The following TNFAIP8 variants were observed in gnomAD, a reference collection of about 807,000 sequenced individuals.
TNFAIP8 encodes TNF alpha induced protein 8, also known as tumor necrosis factor alpha-induced protein 8.
Under a neutral mutation model 13.3 loss-of-function variants are expected in TNFAIP8, and 7 were observed. That is an observed-to-expected ratio of 0.52 (90% CI 0.30 to 0.99). The LOEUF (loss-of-function observed/expected upper bound fraction) is 0.99, where lower values mean the gene tolerates loss of function less well. Ranked by LOEUF, TNFAIP8 falls within the 50% of genes least tolerant of loss-of-function variation. TNFAIP8 has a pLI of 0.07. For synonymous variants in TNFAIP8, 94 were observed against 87.6 expected, an observed-to-expected ratio of 1.07 and a Z score of -0.41; for missense variants, 258 against 236.9, an observed-to-expected ratio of 1.09 and a Z score of -0.58.
At chr5:119,288,537 A>G (rs530819667) in intron 1 of TNFAIP8, among the ~76,000 whole-genome samples, 15 of 152,384 alleles carry the variant, frequency 9.8e-5, no homozygotes, top group Admixed American at 7.8e-4. Flanking sequence ...TTAAGAGATT[A>G]GACAGAGTTT....
chr5:119,279,262 T>C (rs1748558374), intron 1 of TNFAIP8, among the ~76,000 whole-genome samples: 1 of 152,236 alleles, frequency 6.6e-6, no homozygotes, highest in East Asian at 1.9e-4. Context: ...CCTCCCATAC[T>C]TGTGCTACAG....
chr5:119,308,141 T>C (rs1055615945), intron 1 of TNFAIP8, among the ~76,000 whole-genome samples: 58 of 152,212 alleles, frequency 3.8e-4, no homozygotes, highest in African/African-American at 1.4e-3. Context: ...ATAATTGATA[T>C]TAAAATAATA....
At chr5:119,349,310 G>A (rs1437666856) in intron 1 of TNFAIP8, among the ~76,000 whole-genome samples, 1 of 152,212 alleles carries the variant, frequency 6.6e-6, no homozygotes, top group Non-Finnish European at 1.5e-5. Context: ...GTGAAGAGGG[G>A]AACCTCATGA....
chr5:119,391,790 G>T (rs114310840), intron 1 of TNFAIP8, among the ~76,000 whole-genome samples: 1 of 151,090 alleles, frequency 6.6e-6, no homozygotes, highest in African/African-American at 2.4e-5. Flanking sequence ...ATTGCTACAT[G>T]CATGGAGTGG....
chr5:119,299,828 C>G (rs1483545815), intron 1 of TNFAIP8, among the ~76,000 whole-genome samples: 1 of 152,232 alleles, frequency 6.6e-6, no homozygotes, highest in Admixed American at 6.5e-5. Context: ...CGCCCTTCCC[C>G]CAGCCTCGCT....
At chr5:119,379,941 G>T (rs2112836439) in intron 1 of TNFAIP8, among the ~76,000 whole-genome samples, 1 of 152,300 alleles carries the variant, frequency 6.6e-6, no homozygotes, top group Middle Eastern at 3.4e-3. Context: ...GGGGGAGCAG[G>T]CAGGCTCTAA....
chr5:119,350,996 C>CTGTGTGTG (rs1562012624), intron 1 of TNFAIP8, among the ~76,000 whole-genome samples: 8 of 101,608 alleles, frequency 7.9e-5, no homozygotes, highest in African/African-American at 4.0e-4. Context: ...AGGGGTCTCA[C>CTGTGTGTG]TCTGTGTGTG....
chr5:119,355,266 C>T (rs1334869046), upstream of TNFAIP8: 7 of 700,240 alleles, frequency 1.0e-5, no homozygotes, highest in Non-Finnish European at 1.8e-5. Flanking sequence ...GAACCGTGCT[C>T]TCCCCCTGAG....
chr5:119,369,457 C>A (rs1034898117), intron 1 of TNFAIP8, among the ~76,000 whole-genome samples: 2 of 152,142 alleles, frequency 1.3e-5, no homozygotes, highest in African/African-American at 4.8e-5. Flanking sequence ...TAAGCGTCTT[C>A]TAGTTTTTAT....
intron 1 of TNFAIP8, among the ~76,000 whole-genome samples, chr5:119,312,361 A>C (rs1456966789): frequency 6.6e-6 from 1 of 152,232 alleles, no homozygotes; most frequent in African/African-American, 2.4e-5. Context: ...ACGAGGATGA[A>C]AATAAGATTA....
intron 1 of TNFAIP8, among the ~76,000 whole-genome samples, chr5:119,373,942 G>A (rs1304003071): frequency 6.6e-6 from 1 of 152,094 alleles, no homozygotes; most frequent in East Asian, 1.9e-4. Flanking sequence ...ACAATATCTG[G>A]CTAGAAACTA....
Position 119,283,848 on chromosome 5 carries a change from A to C in TNFAIP8, c.1+14941A>C, listed in dbSNP as rs143967163. On this transcript the variant is annotated intron_variant, in intron 1 of 1. Transcript: ENST00000274456. ...TTGCTCCTAAGAATCTTCGAGACAA[A>C]TAAGGACTTGGGTTAAAAAAACAAA... 1.3e-3 allele frequency among the ~76,000 whole-genome samples: 191 copies of C among 152,350 alleles called. No homozygotes were observed. In the South Asian group the frequency reaches 0.014, roughly 11 times the overall value.
At chr5:119,333,001 G>A (rs949771100) in intron 1 of TNFAIP8, among the ~76,000 whole-genome samples, 18 of 151,472 alleles carry the variant, frequency 1.2e-4, no homozygotes, top group African/African-American at 4.4e-4. Context: ...TGAGCAATAC[G>A]TATTATTAAT....
At chr5:119,273,349 GA>G (rs1748345795) in intron 1 of TNFAIP8, among the ~76,000 whole-genome samples, 1 of 152,246 alleles carries the variant, frequency 6.6e-6, no homozygotes, top group African/African-American at 2.4e-5. Flanking sequence ...AGTAGAGAGG[GA>G]AAGTAGTAAC....
rs568916165 is a variant in TNFAIP8, at chr5:119,378,318, T to G, written c.32-14498T>G. Reference sequence around the variant, plus strand: ...AATACTGCTTCTATAGAACTCTGGGTTTTTTTTTCCTAGAATTTCAGAGCT... The same window carrying G: ...AATACTGCTTCTATAGAACTCTGGGGTTTTTTTTCCTAGAATTTCAGAGCT... On this transcript the variant is annotated intron_variant, in intron 1 of 1. Coordinates refer to ENST00000504771, the MANE Select transcript of TNFAIP8 (RefSeq NM_014350.4). Among the ~76,000 whole-genome samples the G allele has an allele frequency of 2.6e-4, 39 of 151,504 alleles. 1 individual carries two copies. The highest frequency in any genetic ancestry group is 5.3e-4 in the African/African-American group (22 of 41,184).
intron 1 of TNFAIP8, among the ~76,000 whole-genome samples, chr5:119,374,461 A>G (rs1580435714): frequency 6.6e-6 from 1 of 152,230 alleles, no homozygotes; most frequent in East Asian, 1.9e-4. Context: ...AGGGGAAGAG[A>G]GATTCCAGCA....
intron 1 of TNFAIP8, among the ~76,000 whole-genome samples, chr5:119,298,466 C>T (rs58028137): frequency 0.12 from 18,586 of 150,824 alleles, 3,027 homozygotes; most frequent in African/African-American, 0.38. Context: ...GAGTTTCTGC[C>T]GAGAGATCAG....
At chr5:119,285,945 T>G (rs1325260722) in intron 1 of TNFAIP8, among the ~76,000 whole-genome samples, 1 of 152,240 alleles carries the variant, frequency 6.6e-6, no homozygotes, top group Admixed American at 6.5e-5. Context: ...AGGCATATTG[T>G]AAGTTTATGA....
At chr5:119,368,748 T>C (rs2112807250) in intron 1 of TNFAIP8, among the ~76,000 whole-genome samples, 1 of 152,266 alleles carries the variant, frequency 6.6e-6, no homozygotes, top group Middle Eastern at 3.4e-3. Flanking sequence ...GGGACCCAAC[T>C]AAATTTCATT....
Sources: allele counts gnomAD v4.1 joint callset (sites outside exome capture counted in the v4.1 genomes callset), GRCh38; gene constraint gnomAD v4.1.1; transcripts MANE v1.5; gene names NCBI Gene and HGNC (gene_info 2026-07-23, HGNC 2026-07-21).